Variants in ZNF385B observed in about 807,000 individuals in gnomAD.
The protein encoded by ZNF385B is zinc finger protein 385B, also known as zinc finger protein 533.
Under a neutral mutation model 39.2 loss-of-function variants are expected in ZNF385B, and 23 were observed. That is an observed-to-expected ratio of 0.59 (90% CI 0.42 to 0.83). The LOEUF (loss-of-function observed/expected upper bound fraction) is 0.83, where lower values mean the gene tolerates loss of function less well. ZNF385B is among the 40% of genes least tolerant of loss of function. The pLI, the probability that ZNF385B is intolerant of heterozygous loss-of-function variation, is 0.00. For missense variants in ZNF385B, 552 were observed against 598.9 expected, an observed-to-expected ratio of 0.92 and a Z score of 0.82; for synonymous variants, 205 against 222.6, an observed-to-expected ratio of 0.92 and a Z score of 0.70.
chr2:179,637,226 A>G (rs549058257), intron 3 of ZNF385B: 1 of 152,332 alleles, frequency 6.6e-6, no homozygotes, highest in Admixed American at 6.5e-5. Context: ...GTTTTCAGCC[A>G]TGAGATCTCT....
intron 3 of ZNF385B, among the ~76,000 whole-genome samples, chr2:179,726,859 T>G: frequency 6.6e-6 from 1 of 152,144 alleles, no homozygotes; most frequent in East Asian, 1.9e-4. Flanking sequence ...GCATTTTTCT[T>G]ATTTGAAGCA....
intron 3 of ZNF385B, among the ~76,000 whole-genome samples, chr2:179,611,542 TA>T (rs1427597695): frequency 6.6e-6 from 1 of 152,220 alleles, no homozygotes; most frequent in Non-Finnish European, 1.5e-5. Context: ...TGTATCAGGG[TA>T]ATACTGGCCT....
At chr2:179,684,439 G>T (rs1050449492) in intron 3 of ZNF385B, among the ~76,000 whole-genome samples, 1 of 152,120 alleles carries the variant, frequency 6.6e-6, no homozygotes, top group African/African-American at 2.4e-5. Flanking sequence ...TTCTAAACTT[G>T]TTTCACTTCA....
intron 3 of ZNF385B, among the ~76,000 whole-genome samples, chr2:179,751,048 C>A (rs1163949895): frequency 6.6e-6 from 1 of 152,040 alleles, no homozygotes; most frequent in Non-Finnish European, 1.5e-5. Context: ...ATGTTCATTC[C>A]TGATATCTCT....
At chr2:179,686,143 A>T (rs999635853) in intron 3 of ZNF385B, among the ~76,000 whole-genome samples, 1 of 152,240 alleles carries the variant, frequency 6.6e-6, no homozygotes, top group Non-Finnish European at 1.5e-5. Context: ...TTATATAAAC[A>T]TATTTCCCTC....
intron 5 of ZNF385B, among the ~76,000 whole-genome samples, chr2:179,488,131 C>G (rs1456362858): frequency 6.6e-6 from 1 of 152,008 alleles, no homozygotes. Flanking sequence ...TGATTTTTAC[C>G]TTACTTATTT....
At chr2:179,830,481 T>C (rs1707922965) in intron 1 of ZNF385B, among the ~76,000 whole-genome samples, 1 of 152,192 alleles carries the variant, frequency 6.6e-6, no homozygotes, top group Non-Finnish European at 1.5e-5. Context: ...AACCTAGATG[T>C]CCTTCAAAAG....
At chr2:179,805,937 G>A (rs983016990) in intron 1 of ZNF385B, among the ~76,000 whole-genome samples, 3 of 152,136 alleles carry the variant, frequency 2.0e-5, no homozygotes, top group Non-Finnish European at 4.4e-5. Flanking sequence ...AGAGAATTTT[G>A]CTTTTAAAAC....
At chr2:179,481,612 T>C (rs1366207486) in intron 6 of ZNF385B, among the ~76,000 whole-genome samples, 1 of 152,214 alleles carries the variant, frequency 6.6e-6, no homozygotes, top group Non-Finnish European at 1.5e-5. Flanking sequence ...CGTTGTAACA[T>C]GTATGGTACC....
intron 3 of ZNF385B, among the ~76,000 whole-genome samples, chr2:179,638,722 C>A (rs1281973629): frequency 1.3e-5 from 2 of 152,014 alleles, no homozygotes; most frequent in Non-Finnish European, 2.9e-5. Flanking sequence ...TTTCTGAATA[C>A]CATTCCCTCC....
chr2:179,492,465 G>C (rs559838896), intron 5 of ZNF385B, among the ~76,000 whole-genome samples: 24 of 152,058 alleles, frequency 1.6e-4, no homozygotes, highest in Non-Finnish European at 2.8e-4. Context: ...CACTTACTTT[G>C]ATTTCCACTT....
At position 179,631,149 on chromosome 2, in the gene ZNF385B, A is replaced by G. The variant is rs578226874; in HGVS notation, c.299-86180T>C. On this transcript the variant is annotated intron_variant, in intron 3 of 9. Coordinates refer to ENST00000410066, the MANE Select transcript of ZNF385B (RefSeq NM_152520.6). ...AACCTAGCAAGGCAGGCCAACATTC[A>G]AATTCAGGAAATACAGAGAACACCA... is the stretch of plus-strand genomic sequence containing the variant. Among the ~76,000 whole-genome samples the G allele has an allele frequency of 5.1e-4, 77 of 152,322 alleles. 1 individual carries two copies. In the South Asian group the frequency reaches 0.011, roughly 21 times the overall value.
intron 3 of ZNF385B, among the ~76,000 whole-genome samples, chr2:179,624,346 T>C (rs535622799): frequency 3.1e-4 from 47 of 152,286 alleles, no homozygotes; most frequent in African/African-American, 1.1e-3. Context: ...TGTTCTTTAC[T>C]ATGAACTTTC....
chr2:179,476,915 T>C (rs903614327), intron 6 of ZNF385B, among the ~76,000 whole-genome samples: 2 of 152,212 alleles, frequency 1.3e-5, no homozygotes, highest in African/African-American at 4.8e-5. Context: ...TTATGAAGGA[T>C]ATGAAATTTT....
intron 3 of ZNF385B, among the ~76,000 whole-genome samples, chr2:179,647,078 A>G (rs747627368): frequency 6.6e-6 from 1 of 152,110 alleles, no homozygotes; most frequent in African/African-American, 2.4e-5. Flanking sequence ...AACCTCCCAC[A>G]CCATGTATTA....
At chr2:179,857,399 C>T (rs1324261807) in intron 1 of ZNF385B, among the ~76,000 whole-genome samples, 1 of 152,154 alleles carries the variant, frequency 6.6e-6, no homozygotes, top group African/African-American at 2.4e-5. Flanking sequence ...AGAGATCAAG[C>T]AAAATATAAC....
At chr2:179,526,329 C>T (rs1029112093) in intron 4 of ZNF385B, among the ~76,000 whole-genome samples, 3 of 152,088 alleles carry the variant, frequency 2.0e-5, no homozygotes, top group African/African-American at 2.4e-5. Context: ...GTGGCTCACG[C>T]CTATAATCCC....
rs962618417 is a variant in ZNF385B at position 179,576,222 on chromosome 2, T to C, written c.299-31253A>G. ...TTACTGGACTCCTTCACTCCAGTTTTAATCTCTTTGGATCCATCTCCCATG... is the reference window on the plus strand; with the variant it reads ...TTACTGGACTCCTTCACTCCAGTTTCAATCTCTTTGGATCCATCTCCCATG... On this transcript the variant is annotated intron_variant, in intron 3 of 9. Coordinates refer to ENST00000410066, the MANE Select transcript of ZNF385B (RefSeq NM_152520.6). The C allele has an allele frequency of 1.0e-5, 10 of 980,854 alleles. No individual in the cohort carries two copies. The Admixed American group carries it at 2.5e-4, about 24-fold the overall frequency. The allele number at this position is 980,854 out of a possible 1,614,324, so 60.8% of individuals were successfully genotyped here.
At chr2:179,471,959 CTAA>C (rs1257965384) in intron 6 of ZNF385B, among the ~76,000 whole-genome samples, 1 of 152,124 alleles carries the variant, frequency 6.6e-6, no homozygotes, top group African/African-American at 2.4e-5. Context: ...TCCCCTAGTA[CTAA>C]TAATCTTGTT....
Sources: gnomAD v4.1 joint callset for allele counts (sites outside exome capture counted in the v4.1 genomes callset) on GRCh38, gnomAD v4.1.1 for gene constraint, MANE v1.5 for transcripts, NCBI Gene and HGNC (gene_info 2026-07-23, HGNC 2026-07-21) for gene names.